Variants in SETBP1 observed in about 807,000 individuals in gnomAD.
SETBP1 encodes the protein SET-binding protein.
A neutral mutation model predicts 101.0 loss-of-function variants in SETBP1; 9 were observed. The observed-to-expected ratio is 0.09, with a 90% CI of 0.05 to 0.16. SETBP1 has a LOEUF of 0.16. Ranked by LOEUF, SETBP1 falls within the 10% of genes least tolerant of loss-of-function variation. The pLI, the probability that SETBP1 is intolerant of heterozygous loss-of-function variation, is 1.00. For synonymous variants in SETBP1, 818 were observed against 788.5 expected (o/e 1.04, Z -0.63); for missense variants, 1,858 against 2,033.8 (o/e 0.91, Z 1.66).
At chr18:45,028,021 A>T (rs1470284302) in intron 4 of SETBP1, among the ~76,000 whole-genome samples, 1 of 151,612 alleles carries the variant, frequency 6.6e-6, no homozygotes, top group African/African-American at 2.4e-5. Context: ...TTATTTTATT[A>T]TTATTATACT....
chr18:44,728,783 G>A (rs1286411554), intron 2 of SETBP1, among the ~76,000 whole-genome samples: 1 of 152,146 alleles, frequency 6.6e-6, no homozygotes, highest in Non-Finnish European at 1.5e-5. Flanking sequence ...AGGCATTCCA[G>A]GAAGAAATAA....
chr18:44,938,200 G>T (rs570389715), intron 3 of SETBP1, among the ~76,000 whole-genome samples: 1 of 152,160 alleles, frequency 6.6e-6, no homozygotes, highest in Non-Finnish European at 1.5e-5. Context: ...AACCCTGTTG[G>T]CTTCCCTCCT....
intron 4 of SETBP1, among the ~76,000 whole-genome samples, chr18:44,958,724 T>A: frequency 6.6e-6 from 1 of 152,166 alleles, no homozygotes; most frequent in East Asian, 1.9e-4. Flanking sequence ...TTAAGCTATA[T>A]GTTTTCCTTT....
intron 5 of SETBP1, among the ~76,000 whole-genome samples, chr18:45,047,086 T>C (rs2073627175): frequency 6.6e-6 from 1 of 152,182 alleles, no homozygotes. Flanking sequence ...CATGCCACAG[T>C]CAGACCCTCT....
At chr18:44,895,876 C>T (rs766372865) in intron 3 of SETBP1, among the ~76,000 whole-genome samples, 7 of 152,022 alleles carry the variant, frequency 4.6e-5, no homozygotes, top group Non-Finnish European at 1.0e-4. Context: ...TATTTATTAA[C>T]ATCGAGAGGC....
chr18:44,700,244 C>CT (rs2069093337), intron 1 of SETBP1, among the ~76,000 whole-genome samples: 1 of 152,044 alleles, frequency 6.6e-6, no homozygotes, highest in South Asian at 2.1e-4. Context: ...TGGAGAGAGC[C>CT]TAACTGATTT....
intron 4 of SETBP1, among the ~76,000 whole-genome samples, chr18:44,978,852 T>C (rs980657251): frequency 6.6e-6 from 1 of 152,220 alleles, no homozygotes; most frequent in Admixed American, 6.5e-5. Flanking sequence ...CCATTTTACA[T>C]TGAAAAAAAA....
At chr18:44,939,487 G>A (rs937544515) in intron 3 of SETBP1, among the ~76,000 whole-genome samples, 2 of 152,144 alleles carry the variant, frequency 1.3e-5, no homozygotes, top group South Asian at 2.1e-4. Context: ...CACCTGAACC[G>A]CTTCAAGGTG....
chr18:45,047,216 G>A (rs976214297), intron 5 of SETBP1, among the ~76,000 whole-genome samples: 11 of 152,104 alleles, frequency 7.2e-5, no homozygotes, highest in Non-Finnish European at 1.3e-4. Context: ...CAGGGAGTCA[G>A]GTGCGATTAT....
At chr18:44,916,469 C>T (rs1239657134) in intron 3 of SETBP1, among the ~76,000 whole-genome samples, 1 of 152,084 alleles carries the variant, frequency 6.6e-6, no homozygotes, top group Non-Finnish European at 1.5e-5. Flanking sequence ...TTCCTTCATT[C>T]CACAGATATT....
intron 2 of SETBP1, among the ~76,000 whole-genome samples, chr18:44,825,798 C>G (rs1432341638): frequency 6.6e-6 from 1 of 152,162 alleles, no homozygotes; most frequent in African/African-American, 2.4e-5. Context: ...TTCAGTCTTT[C>G]TTTTATTTCT....
chr18:44,932,352 A>C (rs996029909), intron 3 of SETBP1, among the ~76,000 whole-genome samples: 28 of 152,096 alleles, frequency 1.8e-4, no homozygotes, highest in Non-Finnish European at 3.5e-4. Context: ...CCCGACCTTT[A>C]TCTCTGGCTG....
At chr18:44,991,789 A>G (rs1292333884) in intron 4 of SETBP1, among the ~76,000 whole-genome samples, 1 of 152,214 alleles carries the variant, frequency 6.6e-6, no homozygotes, top group Non-Finnish European at 1.5e-5. Flanking sequence ...TTCCAAATCT[A>G]ATTGTAATAA....
chr18:44,706,414 C>T (rs147025843), intron 2 of SETBP1, among the ~76,000 whole-genome samples: 188 of 151,408 alleles, frequency 1.2e-3, no homozygotes, highest in African/African-American at 4.4e-3. Context: ...AGCAAAACCC[C>T]ATCTCTACTA....
At chr18:44,747,406 C>T (rs1464453049) in intron 2 of SETBP1, among the ~76,000 whole-genome samples, 1 of 151,858 alleles carries the variant, frequency 6.6e-6, no homozygotes, top group Non-Finnish European at 1.5e-5. Flanking sequence ...TAGAAATCCT[C>T]AGAAGAAAAA....
intron 3 of SETBP1, among the ~76,000 whole-genome samples, chr18:44,934,559 T>C (rs1193167467): frequency 6.6e-6 from 1 of 152,196 alleles, no homozygotes; most frequent in Non-Finnish European, 1.5e-5. Context: ...AGAGTTTCAA[T>C]GCACTCCCAA....
rs770145431 is a variant in SETBP1, at chr18:44,701,745, C to T, written c.399C>T (p.Ile133=). Residue 133 remains isoleucine (I), a synonymous_variant, in exon 2 of 6, where the codon ATC becomes ATT. Coordinates refer to ENST00000649279, the MANE Select transcript of SETBP1 (RefSeq NM_015559.3). The stretch of plus-strand genomic sequence containing the variant: ...GTCCACCTGAGATCAAGATCACCAT[C>T]AAGCAGTCTGGGGACCAGAAGGTGT... ...YICPPEIKIT[I]KQSGDQKVSR... 6.2e-7 allele frequency: 1 copy of T among 1,613,964 alleles called. No homozygotes were observed. Among genetic ancestry groups the T allele is most frequent in the South Asian group, 1.1e-5 (1 of 91,072 alleles).
At chr18:45,019,147 A>G (rs1425833125) in intron 4 of SETBP1, among the ~76,000 whole-genome samples, 1 of 152,188 alleles carries the variant, frequency 6.6e-6, no homozygotes, top group Admixed American at 6.5e-5. Context: ...CTTCAAGCAC[A>G]TTTTTGGCTT....
At chr18:44,885,339 A>G (rs1332816140) in intron 3 of SETBP1, among the ~76,000 whole-genome samples, 2 of 152,194 alleles carry the variant, frequency 1.3e-5, no homozygotes, top group Admixed American at 6.6e-5. Context: ...AATATTATCA[A>G]TATTCTCAGA....
Sources: allele counts gnomAD v4.1 joint callset (sites outside exome capture counted in the v4.1 genomes callset), GRCh38; gene constraint gnomAD v4.1.1; transcripts MANE v1.5; gene names NCBI Gene and HGNC (gene_info 2026-07-23, HGNC 2026-07-21).